The following ARHGAP28 variants were observed in gnomAD, a reference collection of about 807,000 sequenced individuals.
The protein encoded by ARHGAP28 is rho GTPase-activating protein 28.
In ARHGAP28, 56 loss-of-function variants were observed where a neutral mutation model predicts 90.7. That is an observed-to-expected ratio of 0.62 (90% CI 0.50 to 0.77). ARHGAP28 has a LOEUF of 0.77. ARHGAP28 is among the 30% of genes least tolerant of loss of function. ARHGAP28 has a pLI of 0.00. For synonymous variants in ARHGAP28, 308 were observed against 323.3 expected, an observed-to-expected ratio of 0.95 and a Z score of 0.51; for missense variants, 869 against 900.9, an observed-to-expected ratio of 0.96 and a Z score of 0.45.
At position 6,846,377 on chromosome 18, in the gene ARHGAP28, G is replaced by A. The variant is rs2056866186; in HGVS notation, c.544-4657G>A. Among the ~76,000 whole-genome samples the A allele has an allele frequency of 2.6e-5, 4 of 152,124 alleles. No individual in the cohort carries two copies. In the South Asian group the frequency reaches 8.3e-4, roughly 31 times the overall value. On this transcript the variant is annotated intron_variant, in intron 3 of 17. Transcript: ENST00000383472. The stretch of plus-strand genomic sequence containing the variant: ...ATGTGGGGCACTCTATCTGGAAGCA[G>A]GTTCTTGGTCTCTCCTAAGAGTCTG...
intron 9 of ARHGAP28, among the ~76,000 whole-genome samples, 154 bp downstream of exon 9, chr18:6,873,929 A>C (rs1335232870): frequency 6.6e-6 from 1 of 152,190 alleles, no homozygotes; most frequent in African/African-American, 2.4e-5. Context: ...TATTCCATGC[A>C]CCGCATAACG....
chr18:6,779,159 A>G (rs900736594), intron 1 of ARHGAP28: 1 of 152,170 alleles, frequency 6.6e-6, no homozygotes, highest in Non-Finnish European at 1.5e-5. Context: ...AGGCCTTTTC[A>G]TAGGCCATTA....
At chr18:6,894,659 T>G in intron 14 of ARHGAP28, among the ~76,000 whole-genome samples, 176 bp from the exon 15 acceptor site, 1 of 152,362 alleles carries the variant, frequency 6.6e-6, no homozygotes, top group Middle Eastern at 3.4e-3. Context: ...ACAAATGAAG[T>G]ATATTTATAG....
intron 1 of ARHGAP28, among the ~76,000 whole-genome samples, chr18:6,783,592 T>C (rs1291262006): frequency 6.6e-6 from 1 of 152,044 alleles, no homozygotes; most frequent in Non-Finnish European, 1.5e-5. Context: ...TGAGCCACCA[T>C]GACCGGCCTG....
intron 1 of ARHGAP28, among the ~76,000 whole-genome samples, chr18:6,805,042 C>T (rs1186548013): frequency 6.6e-6 from 1 of 151,770 alleles, no homozygotes; most frequent in Non-Finnish European, 1.5e-5. Flanking sequence ...CCAGGCTGGC[C>T]TTGAACCTCT....
chr18:6,909,082 T>C, intron 17 of ARHGAP28, 58 bp downstream of exon 17: 2 of 980,632 alleles, frequency 2.0e-6, no homozygotes, highest in Non-Finnish European at 3.2e-6. Context: ...AAAAGAAATA[T>C]GTTGCTATAA....
intron 17 of ARHGAP28, among the ~76,000 whole-genome samples, chr18:6,909,823 G>A (rs2057386433): frequency 6.6e-6 from 1 of 151,956 alleles, no homozygotes; most frequent in South Asian, 2.1e-4. Flanking sequence ...TGGGTGCTCC[G>A]TGCTCCCACT....
chr18:6,802,734 A>C (rs527614837), intron 1 of ARHGAP28, among the ~76,000 whole-genome samples: 93 of 152,242 alleles, frequency 6.1e-4, no homozygotes, highest in African/African-American at 2.0e-3. Context: ...AAAATACTAA[A>C]TCTTCCAATC....
chr18:6,829,843 A>G (rs970201202), intron 2 of ARHGAP28, among the ~76,000 whole-genome samples: 1 of 152,232 alleles, frequency 6.6e-6, no homozygotes, highest in African/African-American at 2.4e-5. Context: ...CTGCTGTAAC[A>G]AAGTACCACA....
chr18:6,774,295 T>C (rs1338673702), intron 1 of ARHGAP28: 1 of 152,250 alleles, frequency 6.6e-6, no homozygotes, highest in African/African-American at 2.4e-5. Context: ...AGACTAGTTC[T>C]TTCTTTTATG....
intron 4 of ARHGAP28, 88 bp downstream of exon 4, chr18:6,851,214 A>G (rs2056908570): frequency 4.3e-6 from 5 of 1,153,074 alleles, no homozygotes; most frequent in Non-Finnish European, 6.4e-6. Context: ...AAAGTGCAAC[A>G]TAATTAAGAT....
chr18:6,875,506 C>T (rs186890076), intron 9 of ARHGAP28, among the ~76,000 whole-genome samples: 2 of 152,270 alleles, frequency 1.3e-5, no homozygotes, highest in East Asian at 1.9e-4. Flanking sequence ...TACAGTGAAT[C>T]GAACTGTTCT....
intron 3 of ARHGAP28, 82 bp downstream of exon 3, chr18:6,837,496 A>G: frequency 9.8e-7 from 1 of 1,016,666 alleles, no homozygotes; most frequent in African/African-American, 1.6e-5. Context: ...TGGAAAAAAT[A>G]TCAGAAATGT....
intron 1 of ARHGAP28, among the ~76,000 whole-genome samples, chr18:6,732,218 A>C (rs985565543): frequency 5.3e-5 from 8 of 152,042 alleles, no homozygotes; most frequent in African/African-American, 1.9e-4. Flanking sequence ...TAGCCCAATA[A>C]ATATTTGTTG....
At chr18:6,730,478 C>T (rs931076225) in intron 1 of ARHGAP28, among the ~76,000 whole-genome samples, 3 of 152,066 alleles carry the variant, frequency 2.0e-5, no homozygotes, top group African/African-American at 7.3e-5. Flanking sequence ...TAAAACCTTT[C>T]AATTGTATAA....
chr18:6,785,591 C>T (rs1326020855), intron 1 of ARHGAP28, among the ~76,000 whole-genome samples: 2 of 152,286 alleles, frequency 1.3e-5, no homozygotes, highest in East Asian at 1.9e-4. Context: ...GGAATTGATG[C>T]GTTGACTGTG....
intron 3 of ARHGAP28, among the ~76,000 whole-genome samples, chr18:6,839,363 G>A (rs568228989): frequency 1.4e-5 from 2 of 145,442 alleles, no homozygotes; most frequent in South Asian, 2.2e-4. Flanking sequence ...GCGCAATCTC[G>A]GCTCACTGCA....
intron 1 of ARHGAP28, among the ~76,000 whole-genome samples, chr18:6,781,437 C>A (rs1002477125): frequency 2.6e-5 from 4 of 152,188 alleles, no homozygotes; most frequent in African/African-American, 9.6e-5. Context: ...GAGAATCAAT[C>A]AGTCTCTGTC....
chr18:6,852,003 T>G (rs2056914449), intron 4 of ARHGAP28, among the ~76,000 whole-genome samples: 1 of 152,170 alleles, frequency 6.6e-6, no homozygotes. Context: ...TCTATATAGT[T>G]GTTAAAACTC....
Sources: allele counts gnomAD v4.1 joint callset (sites outside exome capture counted in the v4.1 genomes callset), GRCh38; gene constraint gnomAD v4.1.1; transcripts MANE v1.5; gene names NCBI Gene and HGNC (gene_info 2026-07-23, HGNC 2026-07-21).